The following JADE3 variants were observed in gnomAD, a reference collection of about 807,000 sequenced individuals.
The protein encoded by JADE3 is jade family PHD finger 3.
Under a neutral mutation model 50.1 loss-of-function variants are expected in JADE3, and 2 were observed. That is an observed-to-expected ratio of 0.04 (90% confidence interval 0.02 to 0.13). The LOEUF (loss-of-function observed/expected upper bound fraction) is 0.13, where lower values mean the gene tolerates loss of function less well. JADE3 is among the 10% of genes least tolerant of loss of function. The probability of loss-of-function intolerance (pLI) is 1.00; values close to 1 mark genes in which losing one functional copy is unlikely to be tolerated. For synonymous variants in JADE3, 218 were observed against 232.9 expected (o/e 0.94, Z 0.58); for missense variants, 475 against 634.4 (o/e 0.75, Z 2.70).
At chrX:47,015,970 C>T (rs1928667122) in intron 4 of JADE3, among the ~76,000 whole-genome samples, 1 of 110,923 alleles carries the variant, frequency 9.0e-6, no homozygotes, top group South Asian at 3.8e-4. Flanking sequence ...CCCCTCTGCC[C>T]CACACAGTTA....
chrX:46,927,323 C>A (rs183519226), intron 1 of JADE3, among the ~76,000 whole-genome samples: 1 of 112,247 alleles, frequency 8.9e-6, no homozygotes, highest in East Asian at 2.8e-4. Flanking sequence ...GAGAAACATT[C>A]ATCTTTGATG....
chrX:46,934,341 C>G (rs1926564614), intron 1 of JADE3, among the ~76,000 whole-genome samples: 1 of 107,583 alleles, frequency 9.3e-6, no homozygotes. Flanking sequence ...CTCTGTCACC[C>G]AGGCTGGAGT....
At chrX:47,044,559 G>A (rs782614160) in intron 8 of JADE3, among the ~76,000 whole-genome samples, 9 of 111,722 alleles carry the variant, frequency 8.1e-5, no homozygotes, top group East Asian at 2.8e-4. Flanking sequence ...TGAAAGAAAA[G>A]GATGTTAATG....
intron 5 of JADE3, among the ~76,000 whole-genome samples, chrX:47,027,261 C>G (rs1928927141): frequency 9.0e-6 from 1 of 111,690 alleles, no homozygotes; most frequent in South Asian, 3.7e-4. Flanking sequence ...GAAGTTAGAC[C>G]TTTGTGAATA....
At position 46,984,112 on chromosome X, in the gene JADE3, C is replaced by T. The variant is rs368221152; in HGVS notation, c.-11-772C>T. On this transcript the variant is annotated intron_variant, in intron 1 of 10. Coordinates refer to ENST00000614628, the MANE Select transcript of JADE3 (RefSeq NM_014735.5). The stretch of plus-strand genomic sequence containing the variant: ...TGCTGTCTTTTCAAGTTTACATTTT[C>T]AGCACTTCGTTTGTGACTTAAAGTG... 4.7e-3 allele frequency among the ~76,000 whole-genome samples: 529 copies of T among 112,133 alleles called. 2 individuals are homozygous for T. Among genetic ancestry groups the T allele is most frequent in the African/African-American group, 0.016 (509 of 30,874 alleles).
chrX:47,020,077 T>C (rs1202558840), intron 4 of JADE3, among the ~76,000 whole-genome samples: 2 of 111,855 alleles, frequency 1.8e-5, no homozygotes, highest in South Asian at 7.5e-4. Context: ...ACGCCTGTAA[T>C]CCCACCACTT....
intron 4 of JADE3, among the ~76,000 whole-genome samples, chrX:47,001,507 C>T (rs942824031): frequency 8.9e-6 from 1 of 111,848 alleles, no homozygotes; most frequent in East Asian, 2.8e-4. Flanking sequence ...ATATTGGAGG[C>T]TCAACCTATT....
At chrX:46,951,696 T>C (rs1290822489) in intron 1 of JADE3, among the ~76,000 whole-genome samples, 12 of 110,362 alleles carry the variant, frequency 1.1e-4, no homozygotes, top group African/African-American at 4.0e-4. Flanking sequence ...TCCCTGAGGC[T>C]TTGTTATTTT....
At chrX:47,028,189 A>G in intron 6 of JADE3, 86 bp downstream of exon 6, 1 of 621,486 alleles carries the variant, frequency 1.6e-6, no homozygotes, top group Non-Finnish European at 2.6e-6. Context: ...TCTGGGTAGC[A>G]GCTTGCATTT....
Position 47,054,343 on chromosome X carries a change from C to G in JADE3, c.1158C>G (p.Ser386Arg). The G allele has an allele frequency of 8.3e-7, 1 of 1,211,024 alleles. No individual in the cohort carries two copies. Among genetic ancestry groups the G allele is most frequent in the Non-Finnish European group, 1.1e-6 (1 of 895,242 alleles). ...CCCACCACAGGGCTAAAGAGCAGAG[C>G]CAGGCCAAAAGTGAGAAAACCAGCC... ...EYPHHRAKEQ[S>R]QAKSEKTSLR... is the part of the protein sequence containing the mutation. The change falls in exon 9 of 11, where the codon AGC becomes AGG. Residue 386 changes from serine to arginine, a missense_variant. Physicochemically the swap from Ser to Arg is moderately radical, Grantham distance 110. Transcript: ENST00000614628.
chrX:46,949,429 G>A (rs782032481), intron 1 of JADE3, among the ~76,000 whole-genome samples: 13 of 112,040 alleles, frequency 1.2e-4, no homozygotes, highest in Non-Finnish European at 2.1e-4. Flanking sequence ...AGTAGCTATT[G>A]TAAAACAGCT....
intron 1 of JADE3, among the ~76,000 whole-genome samples, chrX:46,939,255 G>A (rs966063632): frequency 2.7e-5 from 3 of 111,364 alleles, no homozygotes; most frequent in Non-Finnish European, 5.7e-5. Flanking sequence ...ATTTAGGTAT[G>A]CCTGGACGTG....
chrX:46,917,499 G>T (rs1926111628), intron 1 of JADE3, among the ~76,000 whole-genome samples: 1 of 111,003 alleles, frequency 9.0e-6, no homozygotes, highest in Middle Eastern at 4.7e-3. Context: ...GAATGTCCCT[G>T]TGAGGGAGAC....
At chrX:47,005,972 A>G (rs782430760) in intron 4 of JADE3, among the ~76,000 whole-genome samples, 3 of 111,868 alleles carry the variant, frequency 2.7e-5, no homozygotes, top group African/African-American at 9.7e-5. Context: ...GAAGGTTTGC[A>G]TAAGATCCAG....
chrX:46,930,199 C>T (rs1177402807), intron 1 of JADE3, among the ~76,000 whole-genome samples: 1 of 111,911 alleles, frequency 8.9e-6, no homozygotes, highest in Non-Finnish European at 1.9e-5. Flanking sequence ...ACTCTCCATT[C>T]TGAGGCAACC....
chrX:47,035,928 A>T (rs1929125220), intron 7 of JADE3, among the ~76,000 whole-genome samples: 1 of 111,392 alleles, frequency 9.0e-6, no homozygotes, highest in Non-Finnish European at 1.9e-5. Context: ...AGATCACTTG[A>T]GTCCAGGAGT....
intron 1 of JADE3, among the ~76,000 whole-genome samples, chrX:46,924,360 T>G (rs1926308982): frequency 1.8e-5 from 2 of 112,467 alleles, no homozygotes; most frequent in African/African-American, 3.2e-5. Flanking sequence ...GTTTATATGC[T>G]CGGATCCTGT....
chrX:46,994,838 T>G (rs1488325504), intron 3 of JADE3, among the ~76,000 whole-genome samples: 2 of 111,679 alleles, frequency 1.8e-5, no homozygotes, highest in African/African-American at 6.5e-5. Context: ...TACTGTGAGC[T>G]CCATACTGTG....
In JADE3 at chrX:47,056,452, C is replaced by T. The variant is rs190154894; in HGVS notation, c.1561+253C>T. 1.7e-3 allele frequency among the ~76,000 whole-genome samples: 193 copies of T among 111,297 alleles called. 2 individuals carry two copies. The highest frequency in any genetic ancestry group is 2.0e-3 in the Non-Finnish European group (105 of 53,064). ...GTAATCTAGGTCCCAAACAGATATT[C>T]GAGGCCATTAGTGGAAGCCATGAAA... On this transcript the variant is annotated intron_variant, in intron 10 of 10. Transcript: ENST00000614628.
Sources: allele counts gnomAD v4.1 joint callset (sites outside exome capture counted in the v4.1 genomes callset), GRCh38; gene constraint gnomAD v4.1.1; transcripts MANE v1.5; gene names NCBI Gene and HGNC (gene_info 2026-07-23, HGNC 2026-07-21).